AGBL1: variants seen among roughly 807,000 people sequenced by gnomAD.
AGBL1 encodes the protein cytosolic carboxypeptidase 4.
AGBL1 carries 130 observed loss-of-function variants against 118.9 expected under a neutral mutation model. The observed-to-expected ratio is 1.09, with a 90% CI of 0.95 to 1.26. The LOEUF is 1.26. Ranked by LOEUF, AGBL1 falls within the 50% of genes most tolerant of loss-of-function variation. The probability of loss-of-function intolerance (pLI) is 0.00; values close to 1 mark genes in which losing one functional copy is unlikely to be tolerated. For missense variants in AGBL1, 1,584 were observed against 1,298.1 expected (o/e 1.22, Z -3.38); for synonymous variants, 555 against 478.9 (o/e 1.16, Z -2.08).
At chr15:86,501,663 A>G (rs2082918340) in intron 18 of AGBL1, among the ~76,000 whole-genome samples, 1 of 151,548 alleles carries the variant, frequency 6.6e-6, no homozygotes, top group Non-Finnish European at 1.5e-5. Context: ...TGTTTTATGT[A>G]TGGATATTCT....
At chr15:86,851,923 GTTTTTAT>G (rs1171494911) in intron 22 of AGBL1, among the ~76,000 whole-genome samples, 3 of 152,152 alleles carry the variant, frequency 2.0e-5, no homozygotes, top group East Asian at 1.9e-4. Context: ...GCAGTGGCAG[GTTTTTAT>G]TTTTTATTTT....
At chr15:86,677,389 T>A (rs962762450) in intron 22 of AGBL1, among the ~76,000 whole-genome samples, 4 of 152,162 alleles carry the variant, frequency 2.6e-5, no homozygotes, top group African/African-American at 9.7e-5. Context: ...TCTTTTGATC[T>A]TTCCTCTCCT....
rs368863638 is a variant in AGBL1 at position 86,167,553 on chromosome 15, T to G, written c.488+8527T>G. Among the ~76,000 whole-genome samples, 267 of 152,338 alleles carry G rather than the reference T, an allele frequency of 1.8e-3. 4 individuals carry two copies. The South Asian group carries it at 0.051, about 29-fold the overall frequency. On this transcript the variant is annotated intron_variant, in intron 5 of 22. Coordinates refer to ENST00000614907, the MANE Select transcript of AGBL1 (RefSeq NM_001386094.1). ...GAACCGCCATGCCTGGCCCGGGAAC[T>G]GATATTTCTAATAGAATTCTAAATT...
At chr15:86,371,997 T>A (rs1442038788) in intron 17 of AGBL1, among the ~76,000 whole-genome samples, 1 of 152,108 alleles carries the variant, frequency 6.6e-6, no homozygotes. Flanking sequence ...TTTCTTATGC[T>A]CCTTTGCCTC....
At chr15:86,755,365 A>AC (rs1341601432) in intron 22 of AGBL1, among the ~76,000 whole-genome samples, 2 of 152,174 alleles carry the variant, frequency 1.3e-5, no homozygotes, top group Non-Finnish European at 2.9e-5. Flanking sequence ...TAGCGGACAG[A>AC]CCAGGAACAC....
At chr15:86,803,127 GCACTGACAT>G (rs2078673048) in intron 22 of AGBL1, among the ~76,000 whole-genome samples, 1 of 152,104 alleles carries the variant, frequency 6.6e-6, no homozygotes, top group South Asian at 2.1e-4. Context: ...ATCATGTATA[GCACTGACAT>G]GTTTTGGCTC....
chr15:86,739,905 T>G (rs928198297), intron 22 of AGBL1, among the ~76,000 whole-genome samples: 1 of 152,168 alleles, frequency 6.6e-6, no homozygotes, highest in Non-Finnish European at 1.5e-5. Context: ...TGAGCCCTGC[T>G]ATGAAGAGAA....
intron 23 of AGBL1, among the ~76,000 whole-genome samples, chr15:86,941,635 A>C (rs2080753815): frequency 6.6e-6 from 1 of 152,204 alleles, no homozygotes; most frequent in Non-Finnish European, 1.5e-5. Context: ...TCTTGCTGGA[A>C]ATAGGCCCTT....
rs34949401 is a variant in AGBL1, at chr15:86,715,204, G to C, written c.3158+40768G>C. Among the ~76,000 whole-genome samples, 1,316 of 152,076 alleles carry C rather than the reference G, an allele frequency of 8.7e-3. 7 individuals carry two copies. Among genetic ancestry groups the C allele is most frequent in the South Asian group, 0.029 (141 of 4,820 alleles). ...TCTGCTAGGTCTGAAGTCAGAGAAT[G>C]GGGGAAAATAATCTAAATCCTGCAC... On this transcript the variant is annotated intron_variant, in intron 22 of 22. Transcript: ENST00000614907.
At chr15:86,330,996 C>T (rs2080259784) in intron 17 of AGBL1, among the ~76,000 whole-genome samples, 1 of 152,022 alleles carries the variant, frequency 6.6e-6, no homozygotes, top group Non-Finnish European at 1.5e-5. Context: ...GAGGCCAAGG[C>T]AGGTGGATCA....
At chr15:86,633,897 GTA>G (rs200863060) in intron 21 of AGBL1, among the ~76,000 whole-genome samples, 13,235 of 61,210 alleles carry the variant, frequency 0.22, 781 homozygotes, top group Non-Finnish European at 0.25. Flanking sequence ...TATATATAAT[GTA>G]TATATATATA....
At chr15:86,371,575 A>G (rs1158739670) in intron 17 of AGBL1, among the ~76,000 whole-genome samples, 1 of 152,180 alleles carries the variant, frequency 6.6e-6, no homozygotes, top group Non-Finnish European at 1.5e-5. Context: ...TACACATCAC[A>G]ATCATTATCT....
chr15:86,733,384 T>A (rs925318281), intron 22 of AGBL1, among the ~76,000 whole-genome samples: 4 of 152,124 alleles, frequency 2.6e-5, no homozygotes, highest in Non-Finnish European at 4.4e-5. Flanking sequence ...GAGAGCAATC[T>A]TTTTTACTCA....
chr15:87,013,934 A>C (rs2081585694), intron 24 of AGBL1, among the ~76,000 whole-genome samples: 1 of 152,178 alleles, frequency 6.6e-6, no homozygotes, highest in Non-Finnish European at 1.5e-5. Context: ...CTAGCTGTAC[A>C]TCCTTCTACA....
At chr15:86,974,585 A>T (rs1424781098) in intron 23 of AGBL1, among the ~76,000 whole-genome samples, 1 of 139,572 alleles carries the variant, frequency 7.2e-6, no homozygotes, top group African/African-American at 2.8e-5. Flanking sequence ...TAAATATATA[A>T]AAATTATATA....
At chr15:86,820,330 G>T (rs1053839604) in intron 22 of AGBL1, among the ~76,000 whole-genome samples, 3 of 152,166 alleles carry the variant, frequency 2.0e-5, no homozygotes, top group African/African-American at 7.2e-5. Context: ...CACAGCAAAA[G>T]AAACTATCAC....
chr15:86,756,659 C>G (rs2077945765), intron 22 of AGBL1, among the ~76,000 whole-genome samples: 1 of 152,078 alleles, frequency 6.6e-6, no homozygotes, highest in African/African-American at 2.4e-5. Context: ...CGTCTATAAC[C>G]AGGACCCACT....
chr15:86,752,103 C>G (rs2077863490), intron 22 of AGBL1, among the ~76,000 whole-genome samples: 1 of 152,078 alleles, frequency 6.6e-6, no homozygotes, highest in African/African-American at 2.4e-5. Context: ...AATGGCCCAT[C>G]TTAGCAGGAG....
In AGBL1 at chr15:86,590,268, T is replaced by C. The variant is rs114522816; in HGVS notation, c.2994+35731T>C. 1.9e-3 allele frequency among the ~76,000 whole-genome samples: 287 copies of C among 152,310 alleles called. 2 individuals carry two copies. Among genetic ancestry groups the C allele is most frequent in the African/African-American group, 6.6e-3 (274 of 41,556 alleles). On this transcript the variant is annotated intron_variant, in intron 21 of 22. Transcript: ENST00000614907. ...CACCCAATCTCACCTTGAATTATAG[T>C]TCCCATAATCTCCATGTGTCATGGA...
Sources: allele counts gnomAD v4.1 joint callset (sites outside exome capture counted in the v4.1 genomes callset), GRCh38; gene constraint gnomAD v4.1.1; transcripts MANE v1.5; gene names NCBI Gene and HGNC (gene_info 2026-07-23, HGNC 2026-07-21).